The following DNAH3 variants were observed in gnomAD, a reference collection of about 807,000 sequenced individuals.
DNAH3 encodes the protein dynein axonemal heavy chain 3, also known as axonemal beta dynein heavy chain 3.
A neutral mutation model predicts 432.5 loss-of-function variants in DNAH3; 332 were observed. The ratio of observed to expected loss-of-function variants is 0.77; its 90% CI spans 0.70 to 0.84. The LOEUF (loss-of-function observed/expected upper bound fraction) is 0.84, where lower values mean the gene tolerates loss of function less well. Ranked by LOEUF, DNAH3 falls within the 40% of genes least tolerant of loss-of-function variation. The pLI, the probability that DNAH3 is intolerant of heterozygous loss-of-function variation, is 0.00. For missense variants in DNAH3, 4,861 were observed against 5,114.0 expected (o/e 0.95, Z 1.51); for synonymous variants, 1,956 against 1,900.2 (o/e 1.03, Z -0.76).
At chr16:21,142,191 C>T (rs2092728051) in intron 3 of DNAH3, among the ~76,000 whole-genome samples, 1 of 151,818 alleles carries the variant, frequency 6.6e-6, no homozygotes, top group Non-Finnish European at 1.5e-5. Flanking sequence ...ATGGTGAAAT[C>T]CCCCATCTCT....
intron 56 of DNAH3, among the ~76,000 whole-genome samples, chr16:20,951,167 C>T (rs770552897): frequency 2.0e-5 from 3 of 152,070 alleles, no homozygotes; most frequent in African/African-American, 4.8e-5. Flanking sequence ...TTGTACATAT[C>T]GTGGACTAAT....
At chr16:21,151,505 C>G (rs2092852833) in intron 1 of DNAH3, among the ~76,000 whole-genome samples, 1 of 151,936 alleles carries the variant, frequency 6.6e-6, no homozygotes, top group African/African-American at 2.4e-5. Context: ...ACCGTGTTAG[C>G]CAGGATGGTC....
chr16:21,095,178 A>G (rs1043081067), intron 18 of DNAH3, among the ~76,000 whole-genome samples: 12 of 152,220 alleles, frequency 7.9e-5, no homozygotes, highest in African/African-American at 2.9e-4. Flanking sequence ...AAACTTGCAA[A>G]TATACTTTAA....
At chr16:21,011,110 T>C (rs1228709036) in intron 41 of DNAH3, among the ~76,000 whole-genome samples, 1 of 151,922 alleles carries the variant, frequency 6.6e-6, no homozygotes, top group Non-Finnish European at 1.5e-5. Flanking sequence ...GAGTGGGAGC[T>C]GTGCACATCA....
intron 5 of DNAH3, among the ~76,000 whole-genome samples, chr16:21,137,261 TAAAAAA>T (rs60457553): frequency 8.5e-6 from 1 of 117,032 alleles, no homozygotes; most frequent in Non-Finnish European, 1.8e-5. Flanking sequence ...GATTTCTGTC[TAAAAAA>T]AAAAAAAAAA....
At chr16:21,124,792 G>C (rs906267952) in intron 9 of DNAH3, among the ~76,000 whole-genome samples, 1 of 152,132 alleles carries the variant, frequency 6.6e-6, no homozygotes, top group African/African-American at 2.4e-5. Context: ...TGGGACTACA[G>C]GCATCCGCCA....
chr16:21,090,504 T>C (rs145726081), intron 18 of DNAH3, among the ~76,000 whole-genome samples: 108 of 152,256 alleles, frequency 7.1e-4, no homozygotes, highest in Middle Eastern at 3.4e-3. Context: ...GGGTTTATCA[T>C]TGGAGTGCAA....
chr16:21,128,968 TGA>T (rs1301257639), intron 7 of DNAH3, among the ~76,000 whole-genome samples: 1 of 151,430 alleles, frequency 6.6e-6, no homozygotes, highest in East Asian at 1.9e-4. Flanking sequence ...TGAGAAGAAA[TGA>T]GAGTTTTCTC....
chr16:21,075,588 C>T (rs1341965246), intron 20 of DNAH3, 27 bp from the exon 21 acceptor site: 3 of 1,540,310 alleles, frequency 1.9e-6, no homozygotes, highest in African/African-American at 2.7e-5. Context: ...GCAACAGCAA[C>T]ATCAACAGGA....
exon 6 of DNAH3, chr16:21,136,373 G>A (rs367851257): frequency 1.5e-5 from 24 of 1,613,944 alleles, no homozygotes; most frequent in Non-Finnish European, 1.9e-5. Flanking sequence ...TCTCCTGCAC[G>A]AGGACCACCA....
chr16:21,067,708 G>A (rs1324980198), intron 23 of DNAH3, among the ~76,000 whole-genome samples: 1 of 144,112 alleles, frequency 6.9e-6, no homozygotes, highest in Non-Finnish European at 1.5e-5. Flanking sequence ...TTTGGGCTGA[G>A]TGAGAATTAT....
At chr16:21,094,947 C>T (rs953815873) in intron 18 of DNAH3, among the ~76,000 whole-genome samples, 3 of 152,170 alleles carry the variant, frequency 2.0e-5, no homozygotes, top group African/African-American at 7.2e-5. Flanking sequence ...CCTCCTTCAC[C>T]TTCCACCATG....
chr16:20,988,470 A>C (rs2086329964), intron 44 of DNAH3, among the ~76,000 whole-genome samples: 1 of 152,148 alleles, frequency 6.6e-6, no homozygotes, highest in South Asian at 2.1e-4. Flanking sequence ...GCTGGAGTGC[A>C]GTGGTGCCAT....
chr16:21,015,195 T>C (rs977740549), intron 41 of DNAH3, among the ~76,000 whole-genome samples: 2 of 152,154 alleles, frequency 1.3e-5, no homozygotes, highest in Non-Finnish European at 2.9e-5. Flanking sequence ...TGGATAAACA[T>C]ACATACAATG....
chr16:20,933,262 G>A lies in DNAH3; in HGVS notation c.12243C>T (p.Thr4081=), dbSNP rs199860586. The change falls in exon 62 of 62, where the codon ACC becomes ACT. Residue 4081 remains threonine, a synonymous_variant. Coordinates refer to ENST00000261383, the Ensembl canonical transcript of DNAH3. ...GGACATAGTTGGTAGAGTGGCCTGT[G>A]GTGGAGAGGGTTCCTCTGCGGGCAC... 7.4e-6 allele frequency: 12 copies of A among 1,614,230 alleles called. No individual in the cohort carries two copies. In the African/African-American group the frequency reaches 1.6e-4, roughly 22 times the overall value.
chr16:20,985,793 C>A, intron 47 of DNAH3, 78 bp from the exon 48 acceptor site: 1 of 1,434,616 alleles, frequency 7.0e-7, no homozygotes, highest in South Asian at 1.3e-5. Context: ...GGAGGGAGGG[C>A]ATGGGAGACG....
intron 34 of DNAH3, 90 bp downstream of exon 34, chr16:21,037,671 G>C (rs1220934248): frequency 9.1e-7 from 1 of 1,096,260 alleles, no homozygotes; most frequent in African/African-American, 1.5e-5. Flanking sequence ...ATGGAAGATG[G>C]AAGAGGGTAT....
chr16:21,110,294 C>T (rs2092040969), intron 14 of DNAH3, among the ~76,000 whole-genome samples: 1 of 152,220 alleles, frequency 6.6e-6, no homozygotes, highest in South Asian at 2.1e-4. Flanking sequence ...AACACCCAGC[C>T]AGATCTAAGC....
intron 55 of DNAH3, among the ~76,000 whole-genome samples, chr16:20,954,333 C>T (rs550130428): frequency 6.7e-6 from 1 of 149,406 alleles, no homozygotes; most frequent in African/African-American, 2.5e-5. Flanking sequence ...CTCTGTCACC[C>T]AGGCTGGAGT....
Sources: allele counts gnomAD v4.1 joint callset (sites outside exome capture counted in the v4.1 genomes callset), GRCh38; gene constraint gnomAD v4.1.1; transcripts MANE v1.5; gene names NCBI Gene and HGNC (gene_info 2026-07-23, HGNC 2026-07-21).